USP36: variants seen among roughly 807,000 people sequenced by gnomAD.
USP36 encodes the protein ubiquitin specific peptidase 36, also known as ubiquitin carboxyl-terminal hydrolase 36.
A neutral mutation model predicts 111.5 loss-of-function variants in USP36; 59 were observed. That is an observed-to-expected ratio of 0.53 (90% confidence interval 0.43 to 0.66). The LOEUF (loss-of-function observed/expected upper bound fraction) is 0.66. Ranked by LOEUF, USP36 falls within the 30% of genes least tolerant of loss-of-function variation. The pLI is 0.00. For synonymous variants in USP36, 628 were observed against 581.0 expected (o/e 1.08, Z -1.16); for missense variants, 1,488 against 1,468.0 (o/e 1.01, Z -0.22).
chr17:78,836,003 C>T, intron 3 of USP36, 108 bp downstream of exon 3: 4 of 1,493,496 alleles, frequency 2.7e-6, no homozygotes, highest in Non-Finnish European at 2.7e-6. Flanking sequence ...ATTCATAACT[C>T]TTTGACCACA....
At chr17:78,828,551 C>T (rs2067789232) in intron 5 of USP36, among the ~76,000 whole-genome samples, 2 of 152,208 alleles carry the variant, frequency 1.3e-5, no homozygotes, top group African/African-American at 4.8e-5. Flanking sequence ...CCACTGACCC[C>T]AGCCCACATG....
chr17:78,824,930 C>T (rs1382795628), intron 6 of USP36, among the ~76,000 whole-genome samples: 4 of 152,166 alleles, frequency 2.6e-5, no homozygotes, highest in Non-Finnish European at 4.4e-5. Flanking sequence ...AGTGAAGACA[C>T]TCAGAATGCT....
At chr17:78,833,106 C>A (rs2068299534) in intron 4 of USP36, among the ~76,000 whole-genome samples, 1 of 152,030 alleles carries the variant, frequency 6.6e-6, no homozygotes, top group Non-Finnish European at 1.5e-5. Context: ...CGAGATTGCA[C>A]CACTGCACTC....
chr17:78,789,626 T>A (rs2093565925), intron 3 of USP36, among the ~76,000 whole-genome samples: 1 of 152,206 alleles, frequency 6.6e-6, no homozygotes, highest in African/African-American at 2.4e-5. Context: ...TTTATTTTGC[T>A]AAAGCTTGCA....
chr17:78,819,891 C>G (rs779817612), intron 9 of USP36, 39 bp downstream of exon 9: 2 of 1,600,906 alleles, frequency 1.2e-6, no homozygotes, highest in Non-Finnish European at 1.7e-6. Flanking sequence ...TATTTCCCGT[C>G]TGGTATCAGT....
intron 13 of USP36, among the ~76,000 whole-genome samples, chr17:78,809,810 A>T (rs1416668910): frequency 2.0e-5 from 3 of 151,542 alleles, no homozygotes; most frequent in Non-Finnish European, 4.4e-5. Flanking sequence ...TTTTTTGGAG[A>T]TGGGGTTTTG....
intron 6 of USP36, chr17:78,823,324 G>A (rs775733811): frequency 2.5e-5 from 10 of 396,580 alleles, no homozygotes; most frequent in South Asian, 1.3e-4. Context: ...GTGTGATGGC[G>A]GCTACCAAAA....
chr17:78,805,432 C>T (rs1030108880), intron 15 of USP36, among the ~76,000 whole-genome samples: 4 of 152,170 alleles, frequency 2.6e-5, no homozygotes, highest in East Asian at 1.9e-4. Context: ...AGTCATACCT[C>T]GCCCTCATGT....
At chr17:78,795,071 G>A (rs1015631649), downstream of USP36, among the ~76,000 whole-genome samples, 11 of 150,820 alleles carry the variant, frequency 7.3e-5, 1 homozygote, top group South Asian at 4.2e-4. The surrounding 1 kb of genome is among the most constrained non-coding windows in gnomAD (Gnocchi z 4.5). Context: ...TGCACCCAGC[G>A]TTGGTGTCAG....
chr17:78,829,519 T>C (rs1421441369), intron 4 of USP36, among the ~76,000 whole-genome samples: 1 of 152,094 alleles, frequency 6.6e-6, no homozygotes, highest in Non-Finnish European at 1.5e-5. Context: ...GGGTTGAAAA[T>C]GTTTTCTGGG....
chr17:78,814,156 A>G lies in USP36; in HGVS notation c.1164+256T>C, dbSNP rs147654625. On this transcript the variant is annotated intron_variant, in intron 11 of 20. Coordinates refer to ENST00000449938, the MANE Select transcript of USP36 (RefSeq NM_001385174.1). Reference sequence around the variant, plus strand: ...TGTCATCACCATGGCCGATTTTGCCAGGGTTCTAAGGATGGCACCAGAAGC... The same window carrying G: ...TGTCATCACCATGGCCGATTTTGCCGGGGTTCTAAGGATGGCACCAGAAGC... 3.0e-3 allele frequency among the ~76,000 whole-genome samples: 458 copies of G among 152,274 alleles called. 4 individuals carry two copies. The highest frequency in any genetic ancestry group is 9.8e-3 in the African/African-American group (406 of 41,556).
At chr17:78,817,175 G>A (rs2094208687) in intron 10 of USP36, among the ~76,000 whole-genome samples, 1 of 152,210 alleles carries the variant, frequency 6.6e-6, no homozygotes, top group African/African-American at 2.4e-5. Context: ...TGTGGCCTAG[G>A]AGCAATGGGC....
rs1221513659 is a variant in USP36, at chr17:78,822,022, G to A, written c.690-18C>T. The A allele has an allele frequency of 1.2e-6, 2 of 1,614,028 alleles. No individual in the cohort carries two copies. Among genetic ancestry groups the A allele is most frequent in the East Asian group, 4.5e-5 (2 of 44,874 alleles). On this transcript the variant is annotated intron_variant, in intron 6 of 20. Transcript: ENST00000449938. ...GATCCAACCTGAAAAGGAGACCCCA[G>A]CCTTTAAGGGAAGGGCTCAGCAAGA...
At position 78,836,109 on chromosome 17, in the gene USP36, A is replaced by T. The variant is rs1409391793; in HGVS notation, c.253+2T>A. ...CTCTGCCAGCACACTGCACATCTGT[A>T]CCCTGTCTCCTGGCCGGTGGGTCAT... On this transcript the variant is annotated splice_donor_variant, in intron 3 of 20. Transcript: ENST00000449938. LOFTEE classifies it high-confidence loss of function. 6.2e-7 allele frequency: 1 copy of T among 1,612,996 alleles called. No individual in the cohort carries two copies. The highest frequency in any genetic ancestry group is 8.5e-7 in the Non-Finnish European group (1 of 1,180,004).
chr17:78,806,542 C>T (rs148472270), intron 14 of USP36, among the ~76,000 whole-genome samples: 13 of 152,320 alleles, frequency 8.5e-5, no homozygotes, highest in Non-Finnish European at 1.2e-4. Context: ...ATCACATCCA[C>T]GTGCCGTGGC....
At chr17:78,815,246 C>T (rs972667662) in intron 10 of USP36, among the ~76,000 whole-genome samples, 2 of 152,054 alleles carry the variant, frequency 1.3e-5, no homozygotes, top group Non-Finnish European at 2.9e-5. Flanking sequence ...GCAGGAGAAT[C>T]GCTTGAAACC....
At chr17:78,813,920 TC>T (rs2094125319) in intron 11 of USP36, 47 bp from the exon 12 acceptor site, 2 of 1,514,750 alleles carry the variant, frequency 1.3e-6, no homozygotes, top group African/African-American at 1.4e-5. Flanking sequence ...TCAACAAGCA[TC>T]CCATTATCCT....
downstream of USP36, among the ~76,000 whole-genome samples, chr17:78,794,987 G>A (rs570912557): frequency 1.3e-5 from 2 of 148,362 alleles, no homozygotes; most frequent in Admixed American, 6.7e-5. Context: ...CAGCCTGGGC[G>A]ACAGAGGGAG....
chr17:78,799,877 CTT>C (rs549964435), intron 17 of USP36, 109 bp from the exon 18 acceptor site: 4,869 of 153,920 alleles, frequency 0.032, no homozygotes, highest in South Asian at 0.054. Flanking sequence ...GGATGCTTGC[CTT>C]TTTTTTTTTT....
Sources: gnomAD v4.1 joint callset for allele counts (sites outside exome capture counted in the v4.1 genomes callset) on GRCh38, gnomAD v4.1.1 for gene constraint, Gnocchi (gnomAD v3.1) non-coding constraint, MANE v1.5 for transcripts, NCBI Gene and HGNC (gene_info 2026-07-23, HGNC 2026-07-21) for gene names.